The following TPD52L1 variants were observed in gnomAD, a reference collection of about 807,000 sequenced individuals.
The protein encoded by TPD52L1 is tumor protein D53.
In TPD52L1, 18 loss-of-function variants were observed where a neutral mutation model predicts 28.7. That is an observed-to-expected ratio of 0.63 (90% confidence interval 0.43 to 0.93). The LOEUF (loss-of-function observed/expected upper bound fraction) is 0.93, where lower values mean the gene tolerates loss of function less well. Among genes scored for constraint, TPD52L1 ranks in the 40% least tolerant of loss-of-function variants. The probability of loss-of-function intolerance (pLI) is 0.00; values close to 1 mark genes in which losing one functional copy is unlikely to be tolerated. For missense variants in TPD52L1, 203 were observed against 254.8 expected, an observed-to-expected ratio of 0.80 and a Z score of 1.39; for synonymous variants, 75 against 88.8, an observed-to-expected ratio of 0.84 and a Z score of 0.88.
intron 4 of TPD52L1, chr6:125,251,999 T>C: frequency 6.5e-7 from 1 of 1,536,078 alleles, no homozygotes; most frequent in East Asian, 2.4e-5. Flanking sequence ...CCTGCTCTTC[T>C]CTCCTGTGCT....
At chr6:125,210,251 T>A (rs902552980) in intron 1 of TPD52L1, among the ~76,000 whole-genome samples, 4 of 152,162 alleles carry the variant, frequency 2.6e-5, no homozygotes, top group Admixed American at 6.5e-5. Flanking sequence ...AATGAACAAA[T>A]GAACTCACAA....
At chr6:125,184,949 A>G (rs1251477298) in intron 1 of TPD52L1, among the ~76,000 whole-genome samples, 1 of 126,304 alleles carries the variant, frequency 7.9e-6, no homozygotes, top group Admixed American at 8.6e-5. Flanking sequence ...TCAAAATAAA[A>G]GCACACATGA....
chr6:125,156,993 A>C (rs1790185187), intron 1 of TPD52L1, among the ~76,000 whole-genome samples: 1 of 152,128 alleles, frequency 6.6e-6, no homozygotes, highest in South Asian at 2.1e-4. Context: ...TTAAGAAAAA[A>C]CTTCTCACAA....
chr6:125,194,081 A>G (rs1793249163), intron 1 of TPD52L1, among the ~76,000 whole-genome samples: 2 of 142,922 alleles, frequency 1.4e-5, no homozygotes, highest in East Asian at 4.1e-4. Flanking sequence ...ACAAGGCCCC[A>G]TGCTTTTTAG....
intron 3 of TPD52L1, among the ~76,000 whole-genome samples, chr6:125,245,010 C>T (rs1294102338): frequency 1.3e-5 from 2 of 152,190 alleles, no homozygotes; most frequent in Admixed American, 6.5e-5. Context: ...TCTAACCACC[C>T]AGCAGGACTA....
intron 1 of TPD52L1, among the ~76,000 whole-genome samples, chr6:125,210,931 C>T (rs1347390604): frequency 6.6e-6 from 1 of 152,128 alleles, no homozygotes; most frequent in Non-Finnish European, 1.5e-5. Context: ...GGTTTGTTCC[C>T]CAAAGTTATA....
intron 1 of TPD52L1, among the ~76,000 whole-genome samples, chr6:125,176,392 G>A (rs758569196): frequency 1.3e-5 from 2 of 152,142 alleles, no homozygotes; most frequent in Non-Finnish European, 2.9e-5. Flanking sequence ...AGCCTGCTAG[G>A]GTTTGAAATA....
At chr6:125,235,101 C>T (rs200718659) in intron 3 of TPD52L1, among the ~76,000 whole-genome samples, 16 of 142,542 alleles carry the variant, frequency 1.1e-4, no homozygotes, top group African/African-American at 3.1e-4. Context: ...CTACAAATAA[C>T]AATAATAATA....
In TPD52L1 at chr6:125,161,162, T is replaced by A. The variant is rs143698290; in HGVS notation, c.19+7192T>A. Among the ~76,000 whole-genome samples, 591 of 152,296 alleles carry A rather than the reference T, an allele frequency of 3.9e-3. 3 individuals are homozygous for A. The highest frequency in any genetic ancestry group is 3.3e-3 in the Non-Finnish European group (222 of 68,024). ...GCCACCATGCCAGGCCTGAGATGAC[T>A]TCTTTCCTTAAACCTCATGAACAAA... On this transcript the variant is annotated intron_variant, in intron 1 of 6. Coordinates refer to ENST00000534000, the MANE Select transcript of TPD52L1 (RefSeq NM_003287.4).
intron 1 of TPD52L1, among the ~76,000 whole-genome samples, chr6:125,188,961 G>A (rs973912731): frequency 5.3e-5 from 8 of 152,216 alleles, no homozygotes; most frequent in African/African-American, 1.9e-4. Flanking sequence ...TTGGGCCAAA[G>A]CCTTGCAATA....
intron 1 of TPD52L1, among the ~76,000 whole-genome samples, chr6:125,184,401 G>C (rs908086463): frequency 6.6e-6 from 1 of 152,206 alleles, no homozygotes; most frequent in African/African-American, 2.4e-5. Context: ...GTGCTTGACT[G>C]TAGGAACAGC....
At chr6:125,223,123 T>C (rs568794973) in intron 2 of TPD52L1, among the ~76,000 whole-genome samples, 1 of 152,214 alleles carries the variant, frequency 6.6e-6, no homozygotes, top group Non-Finnish European at 1.5e-5. Flanking sequence ...ATCCATTTTA[T>C]TATTTCAGGT....
chr6:125,244,074 C>A (rs1796777398), intron 3 of TPD52L1, among the ~76,000 whole-genome samples: 1 of 151,786 alleles, frequency 6.6e-6, no homozygotes, highest in Non-Finnish European at 1.5e-5. Flanking sequence ...AGTATGAGAT[C>A]CTTAGTTACA....
At chr6:125,257,067 G>A in intron 5 of TPD52L1, 31 bp from the exon 6 acceptor site, 1 of 1,597,158 alleles carries the variant, frequency 6.3e-7, no homozygotes, top group East Asian at 2.2e-5. Flanking sequence ...CTAGGCCTTT[G>A]GAGCTGACCT....
chr6:125,203,651 C>A, intron 1 of TPD52L1: 1 of 985,408 alleles, frequency 1.0e-6, no homozygotes, highest in Non-Finnish European at 1.2e-6. Context: ...TTGGTGTGTG[C>A]ATAAGGCCAC....
At chr6:125,203,837 T>C (rs1582920418) in intron 1 of TPD52L1, 2 of 969,164 alleles carry the variant, frequency 2.1e-6, no homozygotes, top group Non-Finnish European at 2.5e-6. Flanking sequence ...ATGTCTTCTA[T>C]ACTTGTTCCC....
chr6:125,168,357 A>G (rs1365779070), intron 1 of TPD52L1, among the ~76,000 whole-genome samples: 1 of 151,994 alleles, frequency 6.6e-6, no homozygotes, highest in Non-Finnish European at 1.5e-5. Flanking sequence ...GACCCACCAC[A>G]GGGATATCTT....
At chr6:125,237,852 G>T (rs1796365209) in intron 3 of TPD52L1, among the ~76,000 whole-genome samples, 1 of 152,022 alleles carries the variant, frequency 6.6e-6, no homozygotes, top group South Asian at 2.1e-4. Context: ...TAGAGACAGG[G>T]TTTCACCATG....
intron 1 of TPD52L1, among the ~76,000 whole-genome samples, chr6:125,213,154 C>T (rs1173697994): frequency 1.3e-5 from 2 of 152,076 alleles, no homozygotes; most frequent in Non-Finnish European, 2.9e-5. Context: ...AGTATGAGCA[C>T]CTAGGCTTTG....
Sources: gnomAD v4.1 joint callset for allele counts (sites outside exome capture counted in the v4.1 genomes callset) on GRCh38, gnomAD v4.1.1 for gene constraint, MANE v1.5 for transcripts, NCBI Gene and HGNC (gene_info 2026-07-23, HGNC 2026-07-21) for gene names.